AFG2B: variants seen among roughly 807,000 people sequenced by gnomAD.
AFG2B encodes the protein ATPase family gene 2 protein homolog B.
chr15:45,403,795 C>T, the AFG2B span, among the ~76,000 whole-genome samples: 1 of 152,206 alleles, frequency 6.6e-6, no homozygotes, highest in Non-Finnish European at 1.5e-5. Context: ...GCGAGGTGTC[C>T]ATTACAGATT....
the AFG2B span, chr15:45,420,979 C>A: frequency 6.5e-7 from 1 of 1,540,346 alleles, no homozygotes; most frequent in Non-Finnish European, 8.8e-7. Flanking sequence ...GCAATAAGAG[C>A]AAAACTCCAT....
chr15:45,404,266 A>G, the AFG2B span, among the ~76,000 whole-genome samples: 1 of 152,176 alleles, frequency 6.6e-6, no homozygotes, highest in Admixed American at 6.5e-5. Context: ...ACTATCTAGT[A>G]CCTGTGTCCT....
At chr15:45,414,750 T>C in the AFG2B span, 1,686 of 1,614,182 alleles carry the variant, frequency 1.0e-3, 19 homozygotes, top group African/African-American at 0.021. Flanking sequence ...TTTCACCGTT[T>C]GTTGGAGATT....
chr15:45,412,426 C>T, the AFG2B span, among the ~76,000 whole-genome samples: 1 of 151,728 alleles, frequency 6.6e-6, no homozygotes, highest in Non-Finnish European at 1.5e-5. Context: ...TAATCTAAAA[C>T]GGGGGTCAAC....
the AFG2B span, among the ~76,000 whole-genome samples, chr15:45,404,561 C>A: frequency 6.6e-6 from 1 of 152,060 alleles, no homozygotes; most frequent in Non-Finnish European, 1.5e-5. Context: ...AATCTCAATA[C>A]TTTGGGAGGC....
At chr15:45,414,578 A>T in the AFG2B span, 1 of 1,613,982 alleles carries the variant, frequency 6.2e-7, no homozygotes, top group Non-Finnish European at 8.5e-7. Context: ...CAGAGCATTG[A>T]GTGGCCTCTG....
At chr15:45,414,567 T>G in the AFG2B span, 1 of 1,613,770 alleles carries the variant, frequency 6.2e-7, no homozygotes, top group Non-Finnish European at 8.5e-7. Context: ...TTGTGTACTT[T>G]CAGAGCATTG....
the AFG2B span, chr15:45,405,614 T>G: frequency 1.0e-6 from 1 of 1,001,230 alleles, no homozygotes; most frequent in Non-Finnish European, 1.5e-6. Flanking sequence ...ATTTGATAGC[T>G]TCCACAGCTG....
chr15:45,421,119 A>G, the AFG2B span: 1 of 1,613,670 alleles, frequency 6.2e-7, no homozygotes, highest in Admixed American at 1.7e-5. Flanking sequence ...AAATCACTTA[A>G]GACTGTAAAA....
chr15:45,415,391 G>A, the AFG2B span, among the ~76,000 whole-genome samples: 1 of 151,326 alleles, frequency 6.6e-6, no homozygotes, highest in Non-Finnish European at 1.5e-5. Flanking sequence ...TCAGCTACTC[G>A]AGAGACTGAG....
At chr15:45,403,297 CG>C in the AFG2B span, 1 of 1,590,584 alleles carries the variant, frequency 6.3e-7, no homozygotes, top group Non-Finnish European at 8.5e-7. Flanking sequence ...CCAGCGCGCC[CG>C]GGAACTGGCC....
At chr15:45,405,269 A>G in the AFG2B span, 4 of 1,524,828 alleles carry the variant, frequency 2.6e-6, no homozygotes, top group African/African-American at 2.8e-5. Context: ...AAAATAATAT[A>G]TTTTAAACTA....
At chr15:45,406,253 T>C in the AFG2B span, among the ~76,000 whole-genome samples, 2 of 152,334 alleles carry the variant, frequency 1.3e-5, no homozygotes, top group South Asian at 4.1e-4. Flanking sequence ...ATTCAGGTTT[T>C]GCATTTTGGG....
the AFG2B span, chr15:45,415,645 C>G: frequency 6.2e-7 from 1 of 1,614,038 alleles, no homozygotes; most frequent in Non-Finnish European, 8.5e-7. Context: ...GAAATTGATT[C>G]AATCTTGGGA....
At chr15:45,404,307 G>T in the AFG2B span, among the ~76,000 whole-genome samples, 1 of 151,980 alleles carries the variant, frequency 6.6e-6, no homozygotes, top group African/African-American at 2.4e-5. Context: ...TCTATACCTG[G>T]CTTCTAGAAC....
chr15:45,420,935 T>C, the AFG2B span: 1 of 1,089,912 alleles, frequency 9.2e-7, no homozygotes. Flanking sequence ...GAGGTTGCAG[T>C]GAGTCCAGAT....
chr15:45,402,902 G>A, the AFG2B span: 12 of 1,598,222 alleles, frequency 7.5e-6, no homozygotes, highest in African/African-American at 1.3e-5. Flanking sequence ...GGCGCTCCTG[G>A]CCTGGTGGCT....
the AFG2B span, chr15:45,418,641 T>A: frequency 1.2e-6 from 2 of 1,613,902 alleles, no homozygotes; most frequent in Non-Finnish European, 1.7e-6. Context: ...AGCAGAAACC[T>A]GTTTTTTTTC....
the AFG2B span, among the ~76,000 whole-genome samples, chr15:45,407,675 A>G: frequency 6.6e-6 from 1 of 152,250 alleles, no homozygotes; most frequent in Non-Finnish European, 1.5e-5. Context: ...ACTTTACAGA[A>G]TAGCTCTATA....
Sources: allele counts gnomAD v4.1 joint callset (sites outside exome capture counted in the v4.1 genomes callset), GRCh38; gene constraint gnomAD v4.1.1; transcripts MANE v1.5; gene names NCBI Gene and HGNC (gene_info 2026-07-23, HGNC 2026-07-21).